GFPT2: variants seen among roughly 807,000 people sequenced by gnomAD.
The protein encoded by GFPT2 is glutamine--fructose-6-phosphate transaminase 2.
A neutral mutation model predicts 85.6 loss-of-function variants in GFPT2; 62 were observed. The ratio of observed to expected loss-of-function variants is 0.72; its 90% CI spans 0.59 to 0.90. GFPT2 has a LOEUF of 0.90. Ranked by LOEUF, GFPT2 falls within the 40% of genes least tolerant of loss-of-function variation. The pLI is 0.00. For missense variants in GFPT2, 788 were observed against 893.4 expected (o/e 0.88, Z 1.50); for synonymous variants, 368 against 344.5 (o/e 1.07, Z -0.75).
intron 1 of GFPT2, among the ~76,000 whole-genome samples, chr5:180,345,311 A>T (rs139002678): frequency 6.6e-6 from 1 of 152,394 alleles, no homozygotes; most frequent in Non-Finnish European, 1.5e-5. Context: ...AGCAGTTCTC[A>T]GGCCCACAAG....
intron 2 of GFPT2, among the ~76,000 whole-genome samples, chr5:180,337,407 C>T (rs1291646405): frequency 6.7e-6 from 1 of 148,196 alleles, no homozygotes; most frequent in African/African-American, 2.5e-5. Context: ...GAGCTGAGAT[C>T]GCGCCACTGC....
chr5:180,336,432 C>T (rs770805168), intron 3 of GFPT2, 47 bp downstream of exon 3: 25 of 1,004,682 alleles, frequency 2.5e-5, no homozygotes, highest in Admixed American at 1.7e-4. Context: ...TCCTAGAAAG[C>T]GGCCGGCGCT....
intron 9 of GFPT2, among the ~76,000 whole-genome samples, chr5:180,321,595 G>T (rs890671227): frequency 6.6e-6 from 1 of 152,182 alleles, no homozygotes; most frequent in African/African-American, 2.4e-5. Flanking sequence ...ACCGTGCCCC[G>T]CACACACTGG....
intron 7 of GFPT2, among the ~76,000 whole-genome samples, chr5:180,326,002 G>A (rs1477213920): frequency 1.3e-5 from 2 of 151,750 alleles, no homozygotes. Flanking sequence ...TCCAGCTTGG[G>A]CGACAAAGCG....
At chr5:180,320,537 C>G (rs1764099343) in intron 9 of GFPT2, among the ~76,000 whole-genome samples, 1 of 152,060 alleles carries the variant, frequency 6.6e-6, no homozygotes, top group African/African-American at 2.4e-5. Context: ...CTTTGGGAGA[C>G]CAAGGCGGGA....
In GFPT2 at chr5:180,316,368, C is replaced by G. The variant is rs1764009890; in HGVS notation, c.1246G>C (p.Asp416His). The change falls in exon 13 of 19, where the codon GAC becomes CAC. Residue 416 changes from aspartate to histidine, a missense_variant. Transcript: ENST00000253778. Reference sequence around the variant, plus strand: ...GACTGGCTGATGAAAAAGCAAACGTCATCCCTGAACACAGGTGTGTTCCTG... The same window carrying G: ...GACTGGCTGATGAAAAAGCAAACGTGATCCCTGAACACAGGTGTGTTCCTG... Reference protein sequence around the residue: ...LDRNTPVFRDDVCFFISQSGE... With the variant: ...LDRNTPVFRDHVCFFISQSGE... 6.2e-7 allele frequency: 1 copy of G among 1,614,138 alleles called. No homozygotes were observed. The highest frequency in any genetic ancestry group is 1.3e-5 in the African/African-American group (1 of 75,060).
Position 180,317,072 on chromosome 5 carries a change from C to T in GFPT2, c.959-14G>A, listed in dbSNP as rs777139040. The T allele has an allele frequency of 2.1e-5, 31 of 1,484,198 alleles. No homozygotes were observed. Among genetic ancestry groups the T allele is most frequent in the African/African-American group, 8.3e-5 (6 of 72,496 alleles). The allele number at this position is 1,484,198 out of a possible 1,614,324, so 91.9% of individuals were successfully genotyped here. On this transcript the variant is annotated splice_polypyrimidine_tract_variant and intron_variant, in intron 10 of 18. Coordinates refer to ENST00000253778, the MANE Select transcript of GFPT2 (RefSeq NM_005110.4). Reference sequence around the variant, plus strand: ...CACTGAAGTTACCTGGTCAAATAAACGTCTGGTCAGTTTTAATTTCATTAT... The same window carrying T: ...CACTGAAGTTACCTGGTCAAATAAATGTCTGGTCAGTTTTAATTTCATTAT...
intron 1 of GFPT2, among the ~76,000 whole-genome samples, chr5:180,346,227 T>C (rs1764605154): frequency 6.6e-6 from 1 of 152,094 alleles, no homozygotes; most frequent in South Asian, 2.1e-4. Flanking sequence ...ACTTGAGGAA[T>C]TCACAGCCAG....
At chr5:180,345,427 C>T (rs1764586831) in intron 1 of GFPT2, among the ~76,000 whole-genome samples, 1 of 152,246 alleles carries the variant, frequency 6.6e-6, no homozygotes, top group Non-Finnish European at 1.5e-5. Flanking sequence ...CTCCCAAGCC[C>T]ACAGGGGAGG....
rs1182016015 is a variant in GFPT2 at position 180,330,823 on chromosome 5, G to C, written c.411C>G (p.Gly137=). 1 of 1,613,900 alleles carries C rather than the reference G, an allele frequency of 6.2e-7. No homozygotes were observed. The highest frequency in any genetic ancestry group is 1.7e-5 in the Admixed American group (1 of 60,012). The change falls in exon 6 of 19, where the codon GGC becomes GGG. Residue 137 remains glycine, a synonymous_variant. Coordinates refer to ENST00000253778, the MANE Select transcript of GFPT2 (RefSeq NM_005110.4). This position sits in a 1 kb window ranked among gnomAD's most constrained non-coding sequence, Gnocchi z 4.4. ...KDLRKFLESK[G]YEFESETDTE... Reference sequence around the variant, plus strand: ...TATCTGTTTCTGACTCAAACTCGTAGCCTTTGCTTTCCTGGAATATGCAGT... The same window carrying C: ...TATCTGTTTCTGACTCAAACTCGTACCCTTTGCTTTCCTGGAATATGCAGT...
chr5:180,352,460 G>A (rs1426933259), intron 1 of GFPT2: 10 of 451,884 alleles, frequency 2.2e-5, no homozygotes, highest in South Asian at 1.2e-4. Context: ...GTGCGCTCCG[G>A]GCCGCGGCCG....
chr5:180,331,507 C>T lies in GFPT2; in HGVS notation c.387G>A (p.Leu129=). ...HNGIITNYKD[L]RKFLESKGYE... is the part of the protein sequence containing the mutation. ...GGAAGCATCTTACCAGAAATTTCCT[C>T]AGATCTTTGTAATTTGTGATGATCC... is the stretch of plus-strand genomic sequence containing the variant. The change falls in exon 5 of 19, where the codon CTG becomes CTA. Residue 129 remains leucine, a synonymous_variant. Transcript: ENST00000253778. The T allele has an allele frequency of 6.3e-7, 1 of 1,588,552 alleles. No individual in the cohort carries two copies.
Position 180,338,568 on chromosome 5 carries a change from G to T in GFPT2, c.40C>A (p.Arg14=). ...GTTTCGAAGATCTCCTTCCTCGTCC[G>T]GGGGACTCTGTAGTTCATGTAGGCA... The part of the protein sequence containing the change: ...IFAYMNYRVP[R]TRKEIFETLI... The change falls in exon 2 of 19, where the codon CGG becomes AGG. Residue 14 remains arginine (R), a synonymous_variant. Coordinates refer to ENST00000253778, the MANE Select transcript of GFPT2 (RefSeq NM_005110.4). 1 of 1,609,612 alleles carries T rather than the reference G, an allele frequency of 6.2e-7. No individual in the cohort carries two copies. Among genetic ancestry groups the T allele is most frequent in the Non-Finnish European group, 8.5e-7 (1 of 1,175,976 alleles).
rs149533520 is a variant in GFPT2 at position 180,353,316 on chromosome 5, T to C, written c.-99A>G. Reference sequence around the variant, plus strand: ...TCCTCCGTGGGCTCCGTGGGCTCCGTGGGCTCCGCGGGCTCCAGCTCCCGT... The same window carrying C: ...TCCTCCGTGGGCTCCGTGGGCTCCGCGGGCTCCGCGGGCTCCAGCTCCCGT... On this transcript the variant is annotated 5_prime_UTR_variant, in exon 1 of 19. Coordinates refer to ENST00000253778, the MANE Select transcript of GFPT2 (RefSeq NM_005110.4). 114 of 871,380 alleles carry C rather than the reference T, an allele frequency of 1.3e-4. No homozygotes were observed. The highest frequency in any genetic ancestry group is 3.7e-4 in the African/African-American group (14 of 38,024). 54.0% of individuals were successfully genotyped at this position (871,380 alleles called of 1,614,324 possible).
At chr5:180,347,817 G>A (rs1003718301) in intron 1 of GFPT2, among the ~76,000 whole-genome samples, 7 of 151,926 alleles carry the variant, frequency 4.6e-5, no homozygotes, top group Admixed American at 6.5e-5. Context: ...AGTGCTGAGC[G>A]TGGGGGTGGA....
chr5:180,339,949 A>C (rs1395827137), intron 1 of GFPT2, among the ~76,000 whole-genome samples: 2 of 152,216 alleles, frequency 1.3e-5, no homozygotes, highest in Non-Finnish European at 2.9e-5. Context: ...TAGAAATGTC[A>C]CTGGGTTTCA....
rs1033938491 is a variant in GFPT2 at position 180,301,226 on chromosome 5, A to G, written c.*338T>C. 1 of 357,470 alleles carries G rather than the reference A, an allele frequency of 2.8e-6. No individual in the cohort carries two copies. The highest frequency in any genetic ancestry group is 2.1e-5 in the African/African-American group (1 of 48,204). 22.1% of individuals were successfully genotyped at this position (357,470 alleles called of 1,614,324 possible). A position where few individuals can be genotyped will look rare whatever the true frequency, so the allele number is the denominator to read the frequency against. On this transcript the variant is annotated 3_prime_UTR_variant, in exon 19 of 19. Transcript: ENST00000253778. ...AAAAGCTATACAGTCGTCATTATAA[A>G]TATCTTGTCTTTTAAAACTAACTCT...
At position 180,324,876 on chromosome 5, in the gene GFPT2, T is replaced by C; in HGVS notation, c.616A>G (p.Ile206Val). Residue 206 changes from isoleucine to valine, a missense_variant, in exon 8 of 19, where the codon ATC (isoleucine) becomes GTC (valine). Coordinates refer to ENST00000253778, the MANE Select transcript of GFPT2 (RefSeq NM_005110.4). ...VATRRGSPLL[I>V]GVRSKYKLST... ...AGCTTGTATTTGCTCCGGACTCCGA[T>C]GAGCAGGGGGCTGCCTCTCCTGTAG... 3 of 1,610,820 alleles carry C rather than the reference T, an allele frequency of 1.9e-6. No individual in the cohort carries two copies. Among genetic ancestry groups the C allele is most frequent in the Middle Eastern group, 1.6e-4 (1 of 6,076 alleles).
chr5:180,309,541 C>T (rs1252632545), intron 15 of GFPT2, among the ~76,000 whole-genome samples: 1 of 152,138 alleles, frequency 6.6e-6, no homozygotes. Context: ...CTGACTCAGC[C>T]TCCCAAGTAG....
Sources: gnomAD v4.1 joint callset for allele counts (sites outside exome capture counted in the v4.1 genomes callset) on GRCh38, gnomAD v4.1.1 for gene constraint, Gnocchi (gnomAD v3.1) non-coding constraint, MANE v1.5 for transcripts, NCBI Gene and HGNC (gene_info 2026-07-23, HGNC 2026-07-21) for gene names.